Variants in STAT5B observed in about 807,000 individuals in gnomAD.
STAT5B encodes signal transducer and activator of transcription 5B.
STAT5B carries 21 observed loss-of-function variants against 107.8 expected under a neutral mutation model. The observed-to-expected ratio is 0.19, with a 90% CI of 0.14 to 0.28. The LOEUF (loss-of-function observed/expected upper bound fraction) is 0.28. Among genes scored for constraint, STAT5B ranks in the 10% least tolerant of loss-of-function variants. The pLI is 1.00. For synonymous variants in STAT5B, 325 were observed against 401.7 expected (o/e 0.81, Z 2.28); for missense variants, 565 against 1,008.2 (o/e 0.56, Z 5.95).
At chr17:42,241,572 A>T (rs2144326998) in intron 1 of STAT5B, among the ~76,000 whole-genome samples, 1 of 151,628 alleles carries the variant, frequency 6.6e-6, no homozygotes, top group African/African-American at 2.4e-5. Context: ...CCTCCTGAGT[A>T]GCTGGAATTA....
chr17:42,238,095 T>TATCCATCC (rs60439745), intron 1 of STAT5B, among the ~76,000 whole-genome samples: 5 of 140,998 alleles, frequency 3.5e-5, no homozygotes, highest in South Asian at 2.4e-4. Flanking sequence ...TAAACTTTTC[T>TATCCATCC]ATCCATCCAT....
In STAT5B at chr17:42,201,387, T is replaced by C. The variant is rs1912281845; in HGVS notation, c.*351A>G. On this transcript the variant is annotated 3_prime_UTR_variant, in exon 19 of 19. Coordinates refer to ENST00000293328, the MANE Select transcript of STAT5B (RefSeq NM_012448.4). ...AAAGTCCAGCCACTCTTAAGACACA[T>C]GGCCAACTTCCAGGCTTCACGAAAC... 3 of 595,982 alleles carry C rather than the reference T, an allele frequency of 5.0e-6. No individual in the cohort carries two copies. Among genetic ancestry groups the C allele is most frequent in the Admixed American group, 6.0e-5 (2 of 33,524 alleles). 36.9% of individuals were successfully genotyped at this position (595,982 alleles called of 1,614,324 possible).
In STAT5B at chr17:42,218,832, G is replaced by A. The variant is rs199982340; in HGVS notation, c.880C>T (p.Arg294Cys). The A allele has an allele frequency of 4.3e-6, 7 of 1,613,358 alleles. No homozygotes were observed. The highest frequency in any genetic ancestry group is 2.2e-5 in the South Asian group (2 of 91,050). The change falls in exon 8 of 19, where the codon CGC (arginine) becomes TGC (cysteine). Residue 294 changes from arginine (R) to cysteine (C), a missense_variant. Arg to Cys is a radical substitution (Grantham distance 180). This residue lies in a region of STAT5B where 48 missense variants were observed against 106.5 expected (regional missense o/e 0.45). Coordinates refer to ENST00000293328, the MANE Select transcript of STAT5B (RefSeq NM_012448.4). ...TGCTGGCAGAGGTGCTCAGCCCTGC[G>A]GATCTGCTGCCGGTTCTGCCAGATG... ...EIIWQNRQQI[R>C]RAEHLCQQLP...
intron 1 of STAT5B, among the ~76,000 whole-genome samples, chr17:42,259,378 G>A (rs2080574454): frequency 6.6e-6 from 1 of 152,172 alleles, no homozygotes; most frequent in Non-Finnish European, 1.5e-5. Flanking sequence ...TAATGCTTCA[G>A]CCATGCAAGG....
chr17:42,255,956 C>T (rs572506319), intron 1 of STAT5B, among the ~76,000 whole-genome samples: 2 of 152,172 alleles, frequency 1.3e-5, no homozygotes, highest in South Asian at 2.1e-4. Flanking sequence ...GGCATGGTGG[C>T]GTGCACCTGT....
At chr17:42,213,746 C>G (rs1288639023) in intron 12 of STAT5B, among the ~76,000 whole-genome samples, 5 of 150,294 alleles carry the variant, frequency 3.3e-5, no homozygotes, top group Non-Finnish European at 5.9e-5. Context: ...CCAAGCTGGT[C>G]TCGAATTCCT....
chr17:42,264,575 T>C (rs2080650782), intron 1 of STAT5B, among the ~76,000 whole-genome samples: 1 of 152,126 alleles, frequency 6.6e-6, no homozygotes, highest in Non-Finnish European at 1.5e-5. Flanking sequence ...CCATGGTGTG[T>C]ATGTGCCACA....
chr17:42,260,058 T>C (rs1196871476), intron 1 of STAT5B, among the ~76,000 whole-genome samples: 2 of 152,200 alleles, frequency 1.3e-5, no homozygotes, highest in Non-Finnish European at 2.9e-5. Context: ...CACTGTTTAT[T>C]ATGGTAGCCT....
At chr17:42,238,451 CTTTTTT>C (rs75642417) in intron 1 of STAT5B, among the ~76,000 whole-genome samples, 3 of 124,846 alleles carry the variant, frequency 2.4e-5, no homozygotes, top group African/African-American at 9.6e-5. Flanking sequence ...TGTGCCTGGC[CTTTTTT>C]TTTTTTTTTT....
intron 1 of STAT5B, among the ~76,000 whole-genome samples, chr17:42,261,132 C>T (rs1374583930): frequency 2.0e-5 from 3 of 152,062 alleles, no homozygotes. Context: ...TGGTCTCGAC[C>T]TCCTGACTCA....
chr17:42,208,250 C>T (rs993648166), intron 15 of STAT5B, among the ~76,000 whole-genome samples: 2 of 151,996 alleles, frequency 1.3e-5, no homozygotes, highest in Admixed American at 1.3e-4. Flanking sequence ...GCCTGTAATC[C>T]CACACTTTTG....
At chr17:42,221,983 CTG>C (rs1295188451) in intron 5 of STAT5B, among the ~76,000 whole-genome samples, 20 of 108,108 alleles carry the variant, frequency 1.8e-4, no homozygotes, top group African/African-American at 5.4e-4. Flanking sequence ...TGTGTGTGTG[CTG>C]TGTGTGGTGT....
Position 42,210,138 on chromosome 17 carries a change from T to A in STAT5B, c.1906+33A>T, listed in dbSNP as rs1040116401. The stretch of plus-strand genomic sequence containing the variant: ...AAAATAATTTTGTAACGAAAGCAGC[T>A]AACTTTGGACATAAGAAGGGAGGGG... On this transcript the variant is annotated intron_variant, in intron 15 of 18. Transcript: ENST00000293328. 4 of 1,614,002 alleles carry A rather than the reference T, an allele frequency of 2.5e-6. No individual in the cohort carries two copies. The African/African-American group carries it at 4.0e-5, about 16-fold the overall frequency.
At chr17:42,262,966 GTGTGTATATATATATATATATATATA>G (rs1489017342) in intron 1 of STAT5B, among the ~76,000 whole-genome samples, 1 of 38,756 alleles carries the variant, frequency 2.6e-5, no homozygotes. Context: ...GTGTGTGTGT[GTGTGTATATATATATATATATATATA>G]TATATATATA....
chr17:42,233,514 G>A (rs1017592806), intron 1 of STAT5B, among the ~76,000 whole-genome samples: 7 of 149,392 alleles, frequency 4.7e-5, no homozygotes, highest in East Asian at 2.0e-4. Flanking sequence ...AATTTGAGAC[G>A]GAGTCTTGCT....
intron 18 of STAT5B, 72 bp downstream of exon 18, chr17:42,202,268 C>A (rs760954156): frequency 4.5e-6 from 7 of 1,563,732 alleles, no homozygotes; most frequent in Non-Finnish European, 5.3e-6. Flanking sequence ...TTGACCCCAG[C>A]CCTCCAGGGG....
chr17:42,244,829 C>T (rs1390550838), intron 1 of STAT5B, among the ~76,000 whole-genome samples: 3 of 152,134 alleles, frequency 2.0e-5, no homozygotes, highest in Admixed American at 6.5e-5. Flanking sequence ...GGATATGGTG[C>T]AACCAGTTAA....
At chr17:42,207,510 C>T in intron 16 of STAT5B, 48 bp downstream of exon 16, 1 of 1,599,464 alleles carries the variant, frequency 6.3e-7, no homozygotes, top group South Asian at 1.1e-5. Context: ...CACACACACA[C>T]ACACACACAC....
chr17:42,238,084 A>G (rs1237023277), intron 1 of STAT5B, among the ~76,000 whole-genome samples: 1 of 149,428 alleles, frequency 6.7e-6, no homozygotes, highest in African/African-American at 2.5e-5. Flanking sequence ...ATCCTCCAGT[A>G]TAAACTTTTC....
Sources: gnomAD v4.1 joint callset for allele counts (sites outside exome capture counted in the v4.1 genomes callset) on GRCh38, gnomAD v4.1.1 for gene constraint, gnomAD v4.1.1 regional missense constraint, MANE v1.5 for transcripts, NCBI Gene and HGNC (gene_info 2026-07-23, HGNC 2026-07-21) for gene names.